Variants in AGFG1 observed in about 807,000 individuals in gnomAD.
The protein encoded by AGFG1 is ArfGAP with FG repeats 1.
Under a neutral mutation model 60.6 loss-of-function variants are expected in AGFG1, and 10 were observed. The observed-to-expected ratio is 0.16, with a 90% CI of 0.10 to 0.28. AGFG1 has a LOEUF of 0.28. AGFG1 is among the 10% of genes least tolerant of loss of function. AGFG1 has a pLI of 1.00. For missense variants in AGFG1, 537 were observed against 676.5 expected, an observed-to-expected ratio of 0.79 and a Z score of 2.29; for synonymous variants, 247 against 242.9, an observed-to-expected ratio of 1.02 and a Z score of -0.16.
chr2:227,533,779 C>G (rs1467929275), intron 7 of AGFG1, 21 bp downstream of exon 7: 1 of 1,598,934 alleles, frequency 6.3e-7, no homozygotes. Flanking sequence ...TTAAGCAAAA[C>G]AAATACAAAT....
chr2:227,553,821 T>C (rs1692892853), intron 12 of AGFG1, 26 bp downstream of exon 12: 1 of 1,508,774 alleles, frequency 6.6e-7, no homozygotes. Flanking sequence ...AATTAAATAC[T>C]TTATAAGTTG....
rs1692219132 is a variant in AGFG1 at position 227,533,435 on chromosome 2, ATGT to A, written c.815-110_815-108del. On this transcript the variant is annotated intron_variant, in intron 6 of 12. Transcript: ENST00000310078. ...AAGCCATTGCCAGTCATTGATTTTA[ATGT>A]TGTAAGATTGCTTATAGGACATTTA... The A allele has an allele frequency of 3.1e-5, 28 of 913,484 alleles. No individual in the cohort carries two copies. In the South Asian group the frequency reaches 4.3e-4, roughly 14 times the overall value. 56.6% of individuals were successfully genotyped at this position (913,484 alleles called of 1,614,324 possible). A position where few individuals can be genotyped will look rare whatever the true frequency, so the allele number is the denominator to read the frequency against.
At chr2:227,531,262 C>G (rs960407580) in intron 6 of AGFG1, 52 bp downstream of exon 6, 1 of 1,572,016 alleles carries the variant, frequency 6.4e-7, no homozygotes, top group South Asian at 1.2e-5. Context: ...AAACAAAACT[C>G]TCTAAATGTA....
At position 227,540,122 on chromosome 2, in the gene AGFG1, G is replaced by A. The variant is rs1032559872; in HGVS notation, c.1378+3129G>A. ...AAGTGCTGGGATTACAGGTGTGAGC[G>A]ACTGCACTTGGATCATTCTTAAAAT... On this transcript the variant is annotated intron_variant, in intron 10 of 12. Coordinates refer to ENST00000310078, the MANE Select transcript of AGFG1 (RefSeq NM_004504.5). 5.3e-5 allele frequency among the ~76,000 whole-genome samples: 8 copies of A among 151,920 alleles called. No individual in the cohort carries two copies. In the East Asian group the frequency reaches 7.7e-4, roughly 15 times the overall value.
intron 2 of AGFG1, among the ~76,000 whole-genome samples, chr2:227,507,906 T>C (rs1435194359): frequency 6.6e-5 from 10 of 152,178 alleles, no homozygotes; most frequent in Non-Finnish European, 1.5e-4. Flanking sequence ...TGCCCAAATT[T>C]TCCCCTCTTT....
intron 10 of AGFG1, among the ~76,000 whole-genome samples, chr2:227,540,133 G>T (rs1162463559): frequency 6.6e-6 from 1 of 151,902 alleles, no homozygotes; most frequent in Non-Finnish European, 1.5e-5. Context: ...ACTGCACTTG[G>T]ATCATTCTTA....
chr2:227,483,538 A>G (rs920229249), intron 1 of AGFG1, among the ~76,000 whole-genome samples: 11 of 152,160 alleles, frequency 7.2e-5, no homozygotes, highest in African/African-American at 2.7e-4. Context: ...CCAACACTGC[A>G]GGTTTTGTCT....
At position 227,560,499 on chromosome 2, in the gene AGFG1, T is replaced by G. The variant is rs1693106305; in HGVS notation, c.*6004T>G. The G allele has an allele frequency of 6.6e-6, 1 of 152,140 alleles. No individual in the cohort carries two copies. The highest frequency in any genetic ancestry group is 1.5e-5 in the Non-Finnish European group (1 of 67,960). 9.4% of individuals were successfully genotyped at this position (152,140 alleles called of 1,614,324 possible). On this transcript the variant is annotated 3_prime_UTR_variant, in exon 13 of 13. Transcript: ENST00000310078. ...AAATTAAACTGTTAAGACAGTCCAT[T>G]GAAAGATTGTGGAAGTTCACATCTA...
At chr2:227,477,844 A>T in intron 1 of AGFG1, among the ~76,000 whole-genome samples, 1 of 152,060 alleles carries the variant, frequency 6.6e-6, no homozygotes, top group East Asian at 1.9e-4. Context: ...TTCTGACCTC[A>T]GGTGATCCAC....
In AGFG1 at chr2:227,559,603, A is replaced by G. The variant is rs1197827067; in HGVS notation, c.*5108A>G. On this transcript the variant is annotated 3_prime_UTR_variant, in exon 13 of 13. Transcript: ENST00000310078. ...AAAAAGATAAGTGATCCTAGATAAA[A>G]TATTTTAGATGGTGATTAAAATGCC... The G allele has an allele frequency of 2.6e-5, 4 of 152,176 alleles. No individual in the cohort carries two copies. Among genetic ancestry groups the G allele is most frequent in the Admixed American group, 2.6e-4 (4 of 15,272 alleles). The allele number at this position is 152,176 out of a possible 1,614,324, so 9.4% of individuals were successfully genotyped here.
At chr2:227,520,870 G>A (rs1032820363) in intron 3 of AGFG1, among the ~76,000 whole-genome samples, 2 of 152,154 alleles carry the variant, frequency 1.3e-5, no homozygotes, top group African/African-American at 2.4e-5. Flanking sequence ...AAATAATGGG[G>A]AAGTAACGAG....
intron 8 of AGFG1, among the ~76,000 whole-genome samples, chr2:227,536,106 G>A (rs2106223945): frequency 6.6e-6 from 1 of 151,902 alleles, no homozygotes; most frequent in South Asian, 2.1e-4. Flanking sequence ...TGCCATGTTG[G>A]TTTGCTGCAC....
intron 1 of AGFG1, among the ~76,000 whole-genome samples, chr2:227,476,947 G>A (rs180887404): frequency 1.9e-4 from 28 of 147,972 alleles, no homozygotes; most frequent in Non-Finnish European, 3.4e-4. Flanking sequence ...CGTCACCCAG[G>A]CTGGAGTGCA....
At chr2:227,476,170 G>T (rs1017156558) in intron 1 of AGFG1, among the ~76,000 whole-genome samples, 1 of 152,056 alleles carries the variant, frequency 6.6e-6, no homozygotes, top group African/African-American at 2.4e-5. Flanking sequence ...GTTAGATGCA[G>T]TTAAACTATT....
intron 10 of AGFG1, among the ~76,000 whole-genome samples, chr2:227,543,873 CTCT>C (rs1575113363): frequency 6.6e-6 from 1 of 152,062 alleles, no homozygotes; most frequent in Non-Finnish European, 1.5e-5. Flanking sequence ...GGATAGTTAG[CTCT>C]TCTTGTTGAA....
chr2:227,530,444 G>A (rs1269443601), intron 5 of AGFG1, among the ~76,000 whole-genome samples: 2 of 152,060 alleles, frequency 1.3e-5, no homozygotes, highest in Non-Finnish European at 2.9e-5. Flanking sequence ...TTCTATTAAT[G>A]TTTGGGGCTC....
chr2:227,524,736 CTT>C (rs1177914378), intron 4 of AGFG1, 24 bp from the exon 5 acceptor site: 2 of 1,611,722 alleles, frequency 1.2e-6, no homozygotes, highest in East Asian at 4.5e-5. Flanking sequence ...ACTGGAATAT[CTT>C]TATAGTTAAT....
intron 1 of AGFG1, among the ~76,000 whole-genome samples, chr2:227,487,103 G>A (rs1035940951): frequency 1.3e-5 from 2 of 152,150 alleles, no homozygotes; most frequent in African/African-American, 2.4e-5. Flanking sequence ...TGGAAAGAAA[G>A]CCTTAGAATG....
At chr2:227,520,455 G>A (rs138796260) in intron 3 of AGFG1, among the ~76,000 whole-genome samples, 1 of 152,066 alleles carries the variant, frequency 6.6e-6, no homozygotes, top group African/African-American at 2.4e-5. Flanking sequence ...TGTATACTAG[G>A]CACTATGCTA....
Sources: allele counts gnomAD v4.1 joint callset (sites outside exome capture counted in the v4.1 genomes callset), GRCh38; gene constraint gnomAD v4.1.1; transcripts MANE v1.5; gene names NCBI Gene and HGNC (gene_info 2026-07-23, HGNC 2026-07-21).